THSD7B: variants seen among roughly 807,000 people sequenced by gnomAD.
THSD7B encodes thrombospondin type-1 domain-containing protein 7B.
A neutral mutation model predicts 213.6 loss-of-function variants in THSD7B; 138 were observed. The observed-to-expected ratio is 0.65, with a 90% CI of 0.56 to 0.74. The LOEUF is 0.74. Among genes scored for constraint, THSD7B ranks in the 30% least tolerant of loss-of-function variants. The pLI, the probability that THSD7B is intolerant of heterozygous loss-of-function variation, is 0.00. For synonymous variants in THSD7B, 742 were observed against 687.0 expected (o/e 1.08, Z -1.25); for missense variants, 1,931 against 1,991.5 (o/e 0.97, Z 0.58).
intron 14 of THSD7B, among the ~76,000 whole-genome samples, chr2:137,418,630 A>G (rs535790597): frequency 6.6e-6 from 1 of 152,262 alleles, no homozygotes; most frequent in South Asian, 2.1e-4. Flanking sequence ...TCTATTGAAA[A>G]CCAGATTTTA....
chr2:136,985,849 G>C (rs186086317), intron 2 of THSD7B, among the ~76,000 whole-genome samples: 4 of 152,362 alleles, frequency 2.6e-5, no homozygotes, highest in Admixed American at 6.5e-5. Flanking sequence ...ACCCTGCAAA[G>C]CCACAGGGCA....
chr2:136,944,924 T>C (rs1400435473), intron 2 of THSD7B, among the ~76,000 whole-genome samples: 5 of 152,230 alleles, frequency 3.3e-5, no homozygotes, highest in African/African-American at 1.2e-4. Flanking sequence ...AATCTGATCC[T>C]GTCATTATGA....
chr2:137,378,446 G>A (rs962860680), intron 12 of THSD7B, among the ~76,000 whole-genome samples: 8 of 152,126 alleles, frequency 5.3e-5, no homozygotes, highest in African/African-American at 1.9e-4. Flanking sequence ...TAAGAGATTT[G>A]TCTTGCAGCC....
intron 2 of THSD7B, among the ~76,000 whole-genome samples, chr2:136,947,377 T>G (rs1041122345): frequency 6.6e-6 from 1 of 152,184 alleles, no homozygotes; most frequent in Admixed American, 6.5e-5. Flanking sequence ...GAATTAAATT[T>G]CAAATAATTT....
chr2:137,117,965 C>T (rs1209485780), intron 5 of THSD7B, among the ~76,000 whole-genome samples: 1 of 152,074 alleles, frequency 6.6e-6, no homozygotes, highest in Non-Finnish European at 1.5e-5. Flanking sequence ...AGGATGTTTG[C>T]CGCAAGAGTA....
chr2:136,866,535 T>G (rs1683335920), intron 1 of THSD7B, among the ~76,000 whole-genome samples: 1 of 152,196 alleles, frequency 6.6e-6, no homozygotes, highest in African/African-American at 2.4e-5. Context: ...GTGTGGGGGT[T>G]ATTTGAAGAA....
intron 12 of THSD7B, among the ~76,000 whole-genome samples, chr2:137,319,553 G>T (rs958747066): frequency 1.3e-5 from 2 of 152,114 alleles, no homozygotes; most frequent in African/African-American, 4.8e-5. Context: ...ATCACTTCAT[G>T]TTCAATATTG....
intron 2 of THSD7B, among the ~76,000 whole-genome samples, chr2:136,909,698 A>G (rs1181087941): frequency 6.6e-6 from 1 of 152,236 alleles, no homozygotes; most frequent in African/African-American, 2.4e-5. Flanking sequence ...AAAGTGAATG[A>G]GGTTGTTAAT....
At chr2:136,843,872 G>C (rs1296995894) in intron 1 of THSD7B, among the ~76,000 whole-genome samples, 1 of 152,176 alleles carries the variant, frequency 6.6e-6, no homozygotes, top group African/African-American at 2.4e-5. Context: ...TAGGAACACA[G>C]AATCCTTTGA....
chr2:137,166,471 T>G (rs1450277115), intron 6 of THSD7B, among the ~76,000 whole-genome samples: 1 of 152,178 alleles, frequency 6.6e-6, no homozygotes, highest in East Asian at 1.9e-4. Flanking sequence ...CCACTGAAGT[T>G]GTTCTAAAGA....
At chr2:137,579,530 G>A (rs202246948) in intron 17 of THSD7B, among the ~76,000 whole-genome samples, 36,405 of 151,610 alleles carry the variant, frequency 0.24, 4,458 homozygotes, top group South Asian at 0.35. Context: ...ACACACACAC[G>A]CGCGTGCGCA....
chr2:137,363,427 A>C (rs1685320684), intron 12 of THSD7B, among the ~76,000 whole-genome samples: 1 of 152,076 alleles, frequency 6.6e-6, no homozygotes, highest in South Asian at 2.1e-4. Flanking sequence ...AAAACCCTTC[A>C]AAAAAATCAA....
intron 15 of THSD7B, among the ~76,000 whole-genome samples, chr2:137,478,928 C>G (rs1239482325): frequency 1.3e-5 from 2 of 152,096 alleles, no homozygotes; most frequent in African/African-American, 2.4e-5. Flanking sequence ...GTAGGCCAAC[C>G]CTTGGACCCT....
chr2:137,381,205 G>A (rs1474388402), intron 12 of THSD7B, among the ~76,000 whole-genome samples: 2 of 152,144 alleles, frequency 1.3e-5, no homozygotes, highest in Non-Finnish European at 2.9e-5. Flanking sequence ...TTGCTCAGAT[G>A]GGCTCTGGTA....
At chr2:137,397,305 G>T (rs930008645) in intron 12 of THSD7B, among the ~76,000 whole-genome samples, 1 of 152,106 alleles carries the variant, frequency 6.6e-6, no homozygotes, top group Non-Finnish European at 1.5e-5. Context: ...GCTGGTACCG[G>T]TTGTTCCTTT....
rs769200154 is a variant in THSD7B at position 137,548,046 on chromosome 2, C to T, written c.3139-15175C>T. Reference sequence around the variant, plus strand: ...AGATTGCTTTTAAGGTCACACATGACGTCAGATTTATCCCAAGGAAGCCGA... The same window carrying T: ...AGATTGCTTTTAAGGTCACACATGATGTCAGATTTATCCCAAGGAAGCCGA... On this transcript the variant is annotated intron_variant, in intron 15 of 27. Transcript: ENST00000409968. Among the ~76,000 whole-genome samples, 70 of 151,900 alleles carry T rather than the reference C, an allele frequency of 4.6e-4. 1 individual carries two copies. The highest frequency in any genetic ancestry group is 2.6e-4 in the Admixed American group (4 of 15,216).
intron 12 of THSD7B, among the ~76,000 whole-genome samples, chr2:137,369,728 AT>A (rs1685502370): frequency 6.6e-6 from 1 of 152,048 alleles, no homozygotes; most frequent in Non-Finnish European, 1.5e-5. Context: ...CATCCTCATC[AT>A]TTTGACCTCT....
chr2:137,139,793 G>T (rs1679545726), intron 5 of THSD7B, among the ~76,000 whole-genome samples: 1 of 152,030 alleles, frequency 6.6e-6, no homozygotes, highest in Non-Finnish European at 1.5e-5. Context: ...TCTGCTGTTG[G>T]CAATTTATTC....
At position 136,791,941 on chromosome 2, in the gene THSD7B, T is replaced by A. The variant is rs1260283930; in HGVS notation, c.-36+26254T>A. On this transcript the variant is annotated intron_variant, in intron 1 of 27. Coordinates refer to ENST00000409968, the MANE Select transcript of THSD7B (RefSeq NM_001316349.2). ...TCATATAGTGACTCTATGTTTAACC[T>A]TTTGAAGAATTATCAGCTTGTTTTC... is the stretch of plus-strand genomic sequence containing the variant. Among the ~76,000 whole-genome samples, 16 of 152,178 alleles carry A rather than the reference T, an allele frequency of 1.1e-4. 1 individual carries two copies. Among genetic ancestry groups the A allele is most frequent in the Non-Finnish European group, 1.8e-4 (12 of 67,960 alleles).
Sources: gnomAD v4.1 joint callset for allele counts (sites outside exome capture counted in the v4.1 genomes callset) on GRCh38, gnomAD v4.1.1 for gene constraint, MANE v1.5 for transcripts, NCBI Gene and HGNC (gene_info 2026-07-23, HGNC 2026-07-21) for gene names.